USP54: variants seen among roughly 807,000 people sequenced by gnomAD.
The protein encoded by USP54 is ubiquitin carboxyl-terminal hydrolase 54.
In USP54, 87 loss-of-function variants were observed where a neutral mutation model predicts 170.5. The ratio of observed to expected loss-of-function variants is 0.51; its 90% CI spans 0.43 to 0.61. The LOEUF (loss-of-function observed/expected upper bound fraction) is 0.61, where lower values mean the gene tolerates loss of function less well. Ranked by LOEUF, USP54 falls within the 20% of genes least tolerant of loss-of-function variation. The pLI, the probability that USP54 is intolerant of heterozygous loss-of-function variation, is 0.00. For synonymous variants in USP54, 655 were observed against 742.8 expected (o/e 0.88, Z 1.92); for missense variants, 1,786 against 2,047.8 (o/e 0.87, Z 2.47).
At chr10:73,556,157 C>T (rs749731379) in intron 4 of USP54, among the ~76,000 whole-genome samples, 8 of 151,974 alleles carry the variant, frequency 5.3e-5, no homozygotes, top group Non-Finnish European at 1.2e-4. Flanking sequence ...CTGTTTATTA[C>T]CAGCTAAAAT....
intron 20 of USP54, among the ~76,000 whole-genome samples, chr10:73,511,674 T>G (rs558499469): frequency 1.8e-4 from 27 of 151,570 alleles, no homozygotes; most frequent in Non-Finnish European, 3.2e-4. Context: ...AATAAATAAA[T>G]TTTAAAAAGT....
At chr10:73,567,578 A>T (rs2074131320) in intron 4 of USP54, among the ~76,000 whole-genome samples, 1 of 152,172 alleles carries the variant, frequency 6.6e-6, no homozygotes, top group African/African-American at 2.4e-5. Context: ...AGGCTGAGGC[A>T]GGAGAATCAC....
intron 20 of USP54, among the ~76,000 whole-genome samples, chr10:73,509,448 A>G (rs1361195191): frequency 6.6e-6 from 1 of 151,110 alleles, no homozygotes; most frequent in Non-Finnish European, 1.5e-5. Context: ...CCAAAAAAAA[A>G]AAAAAAAACA....
chr10:73,624,961 T>C (rs1445682051), intron 1 of USP54, among the ~76,000 whole-genome samples: 2 of 152,228 alleles, frequency 1.3e-5, no homozygotes, highest in Non-Finnish European at 2.9e-5. Context: ...GTGTTCAGCC[T>C]GCTGCTGCAA....
intron 17 of USP54, 42 bp downstream of exon 17, chr10:73,523,541 G>C (rs747835208): frequency 3.6e-5 from 54 of 1,512,930 alleles, no homozygotes; most frequent in Middle Eastern, 1.8e-4. Flanking sequence ...TACCCTTTCT[G>C]TCTGTCCCCA....
At chr10:73,612,912 T>C (rs894266303) in intron 1 of USP54, among the ~76,000 whole-genome samples, 1 of 151,546 alleles carries the variant, frequency 6.6e-6, no homozygotes, top group African/African-American at 2.4e-5. Context: ...TCTCAGCACT[T>C]TGGGAGACCA....
chr10:73,539,665 C>T, intron 9 of USP54, 72 bp from the exon 10 acceptor site: 1 of 1,435,634 alleles, frequency 7.0e-7, no homozygotes, highest in South Asian at 1.6e-5. Context: ...CAGCAGACTC[C>T]ACCAGCATTT....
intron 10 of USP54, chr10:73,537,893 G>A (rs578028691): frequency 1.3e-5 from 2 of 152,282 alleles, no homozygotes; most frequent in South Asian, 4.1e-4. Context: ...CATGCCCAAG[G>A]ACAAGGCTAT....
chr10:73,544,094 C>T lies in USP54; in HGVS notation c.376-963G>A, dbSNP rs1720388437. Among the ~76,000 whole-genome samples the T allele has an allele frequency of 3.9e-5, 6 of 152,220 alleles. No homozygotes were observed. In the South Asian group the frequency reaches 1.2e-3, roughly 32 times the overall value. On this transcript the variant is annotated intron_variant, in intron 5 of 23. Coordinates refer to ENST00000687698, the MANE Select transcript of USP54 (RefSeq NM_001391956.1). ...AGTAGCTGGGATTACAGGTATGTGC[C>T]ACCACGCCTGGCTAAGTTTTGTGTT...
intron 1 of USP54, among the ~76,000 whole-genome samples, chr10:73,608,330 C>G (rs916448951): frequency 4.6e-5 from 7 of 151,876 alleles, no homozygotes; most frequent in Non-Finnish European, 7.4e-5. Context: ...ACGTTTCCCT[C>G]TTATACCAAC....
intron 3 of USP54, among the ~76,000 whole-genome samples, chr10:73,572,009 T>C (rs962898580): frequency 7.2e-5 from 11 of 152,174 alleles, no homozygotes; most frequent in Admixed American, 7.2e-4. Context: ...TTTTATACTT[T>C]TGTTGAAATG....
chr10:73,565,745 A>C (rs1423481465), intron 4 of USP54, among the ~76,000 whole-genome samples: 1 of 152,200 alleles, frequency 6.6e-6, no homozygotes, highest in Non-Finnish European at 1.5e-5. Flanking sequence ...TGATCTAGCA[A>C]TTCCAGTCCT....
chr10:73,623,219 CA>C (rs886199589), intron 1 of USP54, among the ~76,000 whole-genome samples: 1 of 151,674 alleles, frequency 6.6e-6, no homozygotes, highest in African/African-American at 2.4e-5. Flanking sequence ...CTCGTCTCTA[CA>C]AAAAAAATTT....
intron 4 of USP54, among the ~76,000 whole-genome samples, chr10:73,566,559 C>T (rs1280753607): frequency 6.6e-6 from 1 of 151,456 alleles, no homozygotes; most frequent in East Asian, 2.0e-4. Context: ...GGTGAAACCC[C>T]ATCTCTACTA....
In USP54 at chr10:73,597,737, T is replaced by C. The variant is rs190483412; in HGVS notation, c.-17-22062A>G. On this transcript the variant is annotated intron_variant, in intron 1 of 22. Coordinates refer to the USP54 transcript ENST00000339859. ...CTCCTGTCTTGATAAATCAGCTGTA[T>C]TGGGGCAATGGGCAGAATGAACCCA... Among the ~76,000 whole-genome samples the C allele has an allele frequency of 3.0e-4, 45 of 152,316 alleles. No homozygotes were observed. In the East Asian group the frequency reaches 7.3e-3, roughly 25 times the overall value.
intron 1 of USP54, among the ~76,000 whole-genome samples, chr10:73,614,312 C>T (rs756392658): frequency 2.0e-5 from 3 of 150,234 alleles, no homozygotes; most frequent in Non-Finnish European, 2.9e-5. Context: ...GTAATCCCAG[C>T]ACTTTGGGAG....
At chr10:73,588,178 CT>C (rs923968180) in intron 1 of USP54, among the ~76,000 whole-genome samples, 18 of 149,492 alleles carry the variant, frequency 1.2e-4, no homozygotes, top group South Asian at 2.1e-4. Context: ...AAAGTGTATC[CT>C]TTTTTTTTTC....
intron 1 of USP54, among the ~76,000 whole-genome samples, chr10:73,587,692 AC>A (rs2077685918): frequency 6.6e-6 from 1 of 152,212 alleles, no homozygotes; most frequent in Non-Finnish European, 1.5e-5. Flanking sequence ...ACTCTTAGGT[AC>A]TTCATCAGAA....
chr10:73,571,398 A>G (rs754937760), intron 4 of USP54, 23 bp downstream of exon 4: 9 of 1,605,662 alleles, frequency 5.6e-6, no homozygotes, highest in Admixed American at 5.0e-5. Context: ...GGTAGTGAGA[A>G]GAAACTAATT....
Sources: allele counts gnomAD v4.1 joint callset (sites outside exome capture counted in the v4.1 genomes callset), GRCh38; gene constraint gnomAD v4.1.1; transcripts MANE v1.5; gene names NCBI Gene and HGNC (gene_info 2026-07-23, HGNC 2026-07-21).